The following TMEM63A variants were observed in gnomAD, a reference collection of about 807,000 sequenced individuals.
The protein encoded by TMEM63A is transmembrane protein 63A.
Under a neutral mutation model 100.6 loss-of-function variants are expected in TMEM63A, and 76 were observed. The ratio of observed to expected loss-of-function variants is 0.76; its 90% CI spans 0.63 to 0.91. The LOEUF (loss-of-function observed/expected upper bound fraction) is 0.91. TMEM63A is among the 40% of genes least tolerant of loss of function. The probability of loss-of-function intolerance (pLI) is 0.00; values close to 1 mark genes in which losing one functional copy is unlikely to be tolerated. For synonymous variants in TMEM63A, 401 were observed against 401.1 expected (o/e 1.00, Z 0.00); for missense variants, 876 against 1,008.8 (o/e 0.87, Z 1.78).
chr1:225,859,457 A>T, intron 14 of TMEM63A, 108 bp from the exon 15 acceptor site: 1 of 1,372,616 alleles, frequency 7.3e-7, no homozygotes, highest in Non-Finnish European at 1.0e-6. Context: ...GCCTGGGGGC[A>T]AGTTCTCTGC....
chr1:225,869,613 AACC>A (rs1474173963), intron 6 of TMEM63A, among the ~76,000 whole-genome samples: 9 of 151,612 alleles, frequency 5.9e-5, no homozygotes, highest in African/African-American at 1.9e-4. Flanking sequence ...TTCATTATAT[AACC>A]ACCACATTTC....
At chr1:225,841,368 C>T (rs560578103), downstream of TMEM63A, among the ~76,000 whole-genome samples, 8 of 152,132 alleles carry the variant, frequency 5.3e-5, no homozygotes, top group South Asian at 8.3e-4. Flanking sequence ...CTGCAACCTC[C>T]GCCTCCCAGG....
chr1:225,856,383 G>A (rs1263138764), intron 17 of TMEM63A, among the ~76,000 whole-genome samples: 1 of 134,344 alleles, frequency 7.4e-6, no homozygotes, highest in Non-Finnish European at 1.5e-5. Flanking sequence ...CCAGCACTTT[G>A]GGAGGCCGAG....
rs558704891 is a variant in TMEM63A at position 225,879,240 on chromosome 1, G to A, written c.-35C>T. Reference sequence around the variant, plus strand: ...CTTACCAGACACTAGGGGAAGGAAGGACTGTGGATGGGCCCGTTGGAGAGG... The same window carrying A: ...CTTACCAGACACTAGGGGAAGGAAGAACTGTGGATGGGCCCGTTGGAGAGG... On this transcript the variant is annotated 5_prime_UTR_variant, in exon 2 of 25. Transcript: ENST00000366835. 1 of 152,260 alleles carries A rather than the reference G, an allele frequency of 6.6e-6. No individual in the cohort carries two copies. The highest frequency in any genetic ancestry group is 1.5e-5 in the Non-Finnish European group (1 of 68,098). 9.4% of individuals were successfully genotyped at this position (152,260 alleles called of 1,614,324 possible). A position where few individuals can be genotyped will look rare whatever the true frequency, so the allele number is the denominator to read the frequency against.
Position 225,862,912 on chromosome 1 carries a change from G to A in TMEM63A, c.747-61C>T. On this transcript the variant is annotated intron_variant, in intron 10 of 24. Coordinates refer to ENST00000366835, the MANE Select transcript of TMEM63A (RefSeq NM_014698.3). This position sits in a 1 kb window ranked among gnomAD's most constrained non-coding sequence, Gnocchi z 5.1. ...TTGGAAAAGAAAACACCCCAAGCAG[G>A]AGACGTGCCCACGGATCCAAGGGAA... 1 of 1,485,158 alleles carries A rather than the reference G, an allele frequency of 6.7e-7. No homozygotes were observed. The highest frequency in any genetic ancestry group is 9.3e-7 in the Non-Finnish European group (1 of 1,076,458). 92.0% of individuals were successfully genotyped at this position (1,485,158 alleles called of 1,614,324 possible).
downstream of TMEM63A, chr1:225,845,421 T>C (rs1668890292): frequency 5.4e-6 from 8 of 1,469,352 alleles, no homozygotes; most frequent in Admixed American, 1.2e-4. Context: ...AGATACCCCT[T>C]TTCTGAGGAA....
At position 225,853,984 on chromosome 1, in the gene TMEM63A, G is replaced by A. The variant is rs981998641; in HGVS notation, c.1635-193C>T. Among the ~76,000 whole-genome samples, 7 of 152,138 alleles carry A rather than the reference G, an allele frequency of 4.6e-5. No individual in the cohort carries two copies. The highest frequency in any genetic ancestry group is 7.2e-5 in the African/African-American group (3 of 41,422). ...ACTGAGAATAGAACAAAGCCCCTGC[G>A]CCACTCTCTTGAAGTTCACATTCTA... On this transcript the variant is annotated intron_variant, in intron 18 of 24. Coordinates refer to ENST00000366835, the MANE Select transcript of TMEM63A (RefSeq NM_014698.3). This position sits in a 1 kb window ranked among gnomAD's most constrained non-coding sequence, Gnocchi z 4.0.
Position 225,854,121 on chromosome 1 carries a change from C to T in TMEM63A, c.1635-330G>A, listed in dbSNP as rs74150530. 7.0e-3 allele frequency among the ~76,000 whole-genome samples: 960 copies of T among 137,832 alleles called. 9 individuals are homozygous for T. The highest frequency in any genetic ancestry group is 0.023 in the African/African-American group (908 of 39,740). The allele number at this position is 137,832 out of a possible 152,430, so 90.4% of individuals were successfully genotyped here. On this transcript the variant is annotated intron_variant, in intron 18 of 24. Transcript: ENST00000366835. ...TATGTCATACAGGGGTTGGAGGAGC[C>T]TTTCTAACGAGGTGATATTCGTGCA...
At chr1:225,873,478 C>T (rs921870484) in intron 4 of TMEM63A, among the ~76,000 whole-genome samples, 1 of 152,130 alleles carries the variant, frequency 6.6e-6, no homozygotes, top group East Asian at 1.9e-4. Context: ...CCCTCTGGGG[C>T]TCTGGGTGGC....
chr1:225,852,531 A>G (rs1669398370), intron 20 of TMEM63A, 133 bp downstream of exon 20: 6 of 770,494 alleles, frequency 7.8e-6, no homozygotes, highest in African/African-American at 1.7e-5. Context: ...GTGAGTCTTT[A>G]GCAGCTTGTG....
At chr1:225,874,090 T>C (rs772011525) in intron 4 of TMEM63A, among the ~76,000 whole-genome samples, 198 bp downstream of exon 4, 1 of 152,162 alleles carries the variant, frequency 6.6e-6, no homozygotes, top group Non-Finnish European at 1.5e-5. Flanking sequence ...ATACACTTAA[T>C]GAACACAATC....
At chr1:225,846,998 C>T in intron 24 of TMEM63A, 36 bp downstream of exon 24, 1 of 1,570,502 alleles carries the variant, frequency 6.4e-7, no homozygotes, top group Non-Finnish European at 8.6e-7. Flanking sequence ...TCTCACCCCA[C>T]AGGCTCCCCT....
At position 225,867,195 on chromosome 1, in the gene TMEM63A, G is replaced by A; in HGVS notation, c.515-32C>T. On this transcript the variant is annotated intron_variant, in intron 7 of 24. Transcript: ENST00000366835. The surrounding 1 kb of genome is among the most constrained non-coding windows in gnomAD (Gnocchi z 4.6). The stretch of plus-strand genomic sequence containing the variant: ...AGAAGCACAGATACTTAGTTCCAGG[G>A]TCATGTGGGGAAGCAGGAGGGGGCG... The A allele has an allele frequency of 6.2e-7, 1 of 1,612,722 alleles. No homozygotes were observed. The highest frequency in any genetic ancestry group is 8.5e-7 in the Non-Finnish European group (1 of 1,178,730).
At position 225,862,535 on chromosome 1, in the gene TMEM63A, C is replaced by T. The variant is rs1669994684; in HGVS notation, c.871G>A (p.Val291Met). 8.7e-6 allele frequency: 14 copies of T among 1,614,108 alleles called. No individual in the cohort carries two copies. The highest frequency in any genetic ancestry group is 1.7e-4 in the Middle Eastern group (1 of 6,036). ...ATGAGGGTCCGCTGGCCTGTCTTCA[C>T]CTGCAGGTTTGTGTAATAGGTCAGG... ...KSLTYYTNLQ[V>M]KTGQRTLINP... Residue 291 changes from valine to methionine, a missense_variant, in exon 12 of 25, where the codon GTG (valine) becomes ATG (methionine). Transcript: ENST00000366835. This position sits in a 1 kb window ranked among gnomAD's most constrained non-coding sequence, Gnocchi z 5.1.
At chr1:225,849,423 G>A (rs552145051) in intron 21 of TMEM63A, among the ~76,000 whole-genome samples, 7 of 152,190 alleles carry the variant, frequency 4.6e-5, no homozygotes, top group East Asian at 3.9e-4. Context: ...TCTCCTCCAC[G>A]TCCCCACCTC....
At position 225,846,910 on chromosome 1, in the gene TMEM63A, G is replaced by T; in HGVS notation, c.*29C>A. ...GCCTGAGCCCCAGGCCATTCTGGTT[G>T]TGTCTTTTCAGAGCAGTGAGACCTA... On this transcript the variant is annotated 3_prime_UTR_variant, in exon 25 of 25. Coordinates refer to ENST00000366835, the MANE Select transcript of TMEM63A (RefSeq NM_014698.3). The T allele has an allele frequency of 8.5e-7, 1 of 1,179,022 alleles. No homozygotes were observed. Among genetic ancestry groups the T allele is most frequent in the Non-Finnish European group, 1.2e-6 (1 of 869,016 alleles). 73.0% of individuals were successfully genotyped at this position (1,179,022 alleles called of 1,614,324 possible).
Position 225,861,005 on chromosome 1 carries a change from G to A in TMEM63A, c.1086-8C>T, listed in dbSNP as rs769584079. The A allele has an allele frequency of 3.1e-6, 5 of 1,606,012 alleles. No homozygotes were observed. Among genetic ancestry groups the A allele is most frequent in the Non-Finnish European group, 4.3e-6 (5 of 1,175,750 alleles). ...TTGAAATCTTTCAGGATGCTGCAAG[G>A]AAATGTAGCAACAGCCAGGCCCAGG... On this transcript the variant is annotated splice_polypyrimidine_tract_variant and splice_region_variant and intron_variant, in intron 13 of 24. Coordinates refer to ENST00000366835, the MANE Select transcript of TMEM63A (RefSeq NM_014698.3).
rs953661883 is a variant in TMEM63A at position 225,853,027 on chromosome 1, GAGGGAAGAGGTGGTC to G, written c.1798-273_1798-259del. On this transcript the variant is annotated intron_variant, in intron 19 of 24. Coordinates refer to ENST00000366835, the MANE Select transcript of TMEM63A (RefSeq NM_014698.3). The surrounding 1 kb of genome is among the most constrained non-coding windows in gnomAD (Gnocchi z 4.0). ...CACCCAACAGGCATGTGAGCCCCTG[GAGGGAAGAGGTGGTC>G]AGGGAAGAGGTGTAGAGTGACTCCA... is the stretch of plus-strand genomic sequence containing the variant. Among the ~76,000 whole-genome samples, 11 of 152,210 alleles carry G rather than the reference GAGGGAAGAGGTGGTC, an allele frequency of 7.2e-5. No individual in the cohort carries two copies. Among genetic ancestry groups the G allele is most frequent in the Admixed American group, 7.2e-4 (11 of 15,288 alleles).
chr1:225,847,091 G>A lies in TMEM63A; in HGVS notation c.2373C>T (p.Cys791=). The A allele has an allele frequency of 3.1e-6, 5 of 1,613,810 alleles. No homozygotes were observed. Among genetic ancestry groups the A allele is most frequent in the South Asian group, 1.1e-5 (1 of 91,074 alleles). Residue 791 remains cysteine, a synonymous_variant, in exon 24 of 25, where the codon TGC becomes TGT. Transcript: ENST00000366835. ...CACTGCCCGTGGCGCTCTGCGCCAA[G>A]CACTGTCCAGGGATAGTCCCGCTGA... ...HNISGTIPGQ[C]LAQSATGSVA... is the part of the protein sequence containing the mutation.
Sources: gnomAD v4.1 joint callset for allele counts (sites outside exome capture counted in the v4.1 genomes callset) on GRCh38, gnomAD v4.1.1 for gene constraint, Gnocchi (gnomAD v3.1) non-coding constraint, MANE v1.5 for transcripts, NCBI Gene and HGNC (gene_info 2026-07-23, HGNC 2026-07-21) for gene names.